PMF1: variants seen among roughly 807,000 people sequenced by gnomAD.
PMF1 encodes polyamine modulated factor 1, also known as polyamine-modulated factor 1.
PMF1 carries 21 observed loss-of-function variants against 26.7 expected under a neutral mutation model. The ratio of observed to expected loss-of-function variants is 0.79; its 90% CI spans 0.56 to 1.13. The LOEUF is 1.13. Among genes scored for constraint, PMF1 ranks in the 50% most tolerant of loss-of-function variants. The probability of loss-of-function intolerance (pLI) is 0.00; values close to 1 mark genes in which losing one functional copy is unlikely to be tolerated. For synonymous variants in PMF1, 105 were observed against 101.0 expected (o/e 1.04, Z -0.24); for missense variants, 266 against 254.9 (o/e 1.04, Z -0.30).
chr1:156,214,005 G>C (rs982887047), intron 1 of PMF1, among the ~76,000 whole-genome samples: 2 of 152,078 alleles, frequency 1.3e-5, no homozygotes, highest in Non-Finnish European at 2.9e-5. Flanking sequence ...TCCGTCTCCC[G>C]GGTTCAAAGG....
At chr1:156,225,941 A>G (rs1449633307) in intron 1 of PMF1, among the ~76,000 whole-genome samples, 6 of 151,750 alleles carry the variant, frequency 4.0e-5, no homozygotes, top group African/African-American at 1.5e-4. Context: ...TACAGCCTCC[A>G]CCTCCCAGGT....
intron 2 of PMF1, 88 bp from the exon 3 acceptor site, chr1:156,233,540 A>G: frequency 7.2e-7 from 1 of 1,382,230 alleles, no homozygotes; most frequent in Non-Finnish European, 1.0e-6. Context: ...AATTAGCCAA[A>G]ATCTTACCAA....
chr1:156,215,861 G>C (rs1329446346), intron 1 of PMF1, among the ~76,000 whole-genome samples: 1 of 152,056 alleles, frequency 6.6e-6, no homozygotes, highest in Non-Finnish European at 1.5e-5. Flanking sequence ...GCTAATTTTC[G>C]TATTTTTAGT....
chr1:156,216,840 G>A (rs1367853496), intron 1 of PMF1, among the ~76,000 whole-genome samples: 1 of 151,974 alleles, frequency 6.6e-6, no homozygotes, highest in East Asian at 1.9e-4. Flanking sequence ...TGGCCGGCCG[G>A]CCCGCCTCCG....
chr1:156,232,170 A>G (rs1197335347), intron 1 of PMF1, 150 bp from the exon 2 acceptor site: 1 of 697,106 alleles, frequency 1.4e-6, no homozygotes, highest in African/African-American at 1.8e-5. Flanking sequence ...ACTCGTGCTT[A>G]GATGAGAGAT....
At chr1:156,219,875 G>T (rs925581007) in intron 1 of PMF1, among the ~76,000 whole-genome samples, 1 of 151,878 alleles carries the variant, frequency 6.6e-6, no homozygotes, top group Non-Finnish European at 1.5e-5. Context: ...TCAGCCTCCC[G>T]AGTAGCTGGG....
In PMF1 at chr1:156,239,892, C is replaced by T. The variant is rs1659249349; in HGVS notation, c.*291C>T. ...TTCAGGTCAGCTCTGCCCCTCCGCC[C>T]CCCTCCTGCTGGTTCCCCAGCCCTT... On this transcript the variant is annotated 3_prime_UTR_variant, in exon 5 of 5. Transcript: ENST00000368277. 2.6e-6 allele frequency: 1 copy of T among 387,650 alleles called. No homozygotes were observed. Among genetic ancestry groups the T allele is most frequent in the Non-Finnish European group, 4.7e-6 (1 of 214,844 alleles). The allele number at this position is 387,650 out of a possible 1,614,324, so 24.0% of individuals were successfully genotyped here. A position where few individuals can be genotyped will look rare whatever the true frequency, so the allele number is the denominator to read the frequency against.
chr1:156,219,044 A>G (rs1360449172), intron 1 of PMF1, among the ~76,000 whole-genome samples: 1 of 151,500 alleles, frequency 6.6e-6, no homozygotes, highest in Non-Finnish European at 1.5e-5. Context: ...CAGCCTCCCA[A>G]GTAGCTGGGA....
At chr1:156,217,242 AAAAG>A (rs1657816737) in intron 1 of PMF1, among the ~76,000 whole-genome samples, 3 of 122,022 alleles carry the variant, frequency 2.5e-5, no homozygotes, top group South Asian at 2.3e-4. Flanking sequence ...ATAAAAAAAA[AAAAG>A]AAAAAAAAAA....
chr1:156,225,364 T>C (rs139741968), intron 1 of PMF1, among the ~76,000 whole-genome samples: 5 of 150,756 alleles, frequency 3.3e-5, no homozygotes, highest in African/African-American at 1.2e-4. Flanking sequence ...ATAAGTTCTT[T>C]AGCGGTGATT....
intron 1 of PMF1, among the ~76,000 whole-genome samples, chr1:156,217,169 C>T (rs9659072): frequency 0.022 from 3,154 of 145,704 alleles, 109 homozygotes; most frequent in African/African-American, 0.076. Context: ...ACCAGCATGG[C>T]ACATGTATAC....
rs73006794 is a variant in PMF1 at position 156,218,847 on chromosome 1, A to T, written c.161+5671A>T. 1.6e-3 allele frequency among the ~76,000 whole-genome samples: 242 copies of T among 152,166 alleles called. 1 individual carries two copies. The highest frequency in any genetic ancestry group is 5.7e-3 in the African/African-American group (235 of 41,530). ...CCGTTTTTTTTTAATCCTAATTTTC[A>T]TGTAATTACTTCCATTCATTTTTTT... On this transcript the variant is annotated intron_variant, in intron 1 of 4. Coordinates refer to ENST00000368277, the MANE Select transcript of PMF1 (RefSeq NM_007221.4).
At chr1:156,238,534 G>A (rs911569143) in intron 4 of PMF1, among the ~76,000 whole-genome samples, 11 of 152,224 alleles carry the variant, frequency 7.2e-5, no homozygotes, top group Non-Finnish European at 1.2e-4. Flanking sequence ...TAGGGCTCAA[G>A]TGGCGGCATC....
chr1:156,232,248 A>G, intron 1 of PMF1, 72 bp from the exon 2 acceptor site: 1 of 1,359,542 alleles, frequency 7.4e-7, no homozygotes, highest in Non-Finnish European at 1.0e-6. Context: ...TGCGAAGCGG[A>G]GGTACCCAGG....
intron 4 of PMF1, 57 bp from the exon 5 acceptor site, chr1:156,239,491 G>T (rs1431768402): frequency 7.0e-7 from 1 of 1,420,380 alleles, no homozygotes; most frequent in East Asian, 2.3e-5. Context: ...ACAGTGGAGG[G>T]CAAGGATTTG....
At position 156,213,036 on chromosome 1, in the gene PMF1, C is replaced by A; in HGVS notation, c.21C>A (p.Ala7=). 1 of 1,614,206 alleles carries A rather than the reference C, an allele frequency of 6.2e-7. No individual in the cohort carries two copies. The highest frequency in any genetic ancestry group is 1.1e-5 in the South Asian group (1 of 91,084). ...TCAACATGGCCGAAGCAAGTAGCGC[C>A]AATCTAGGCAGCGGCTGTGAGGAAA... The part of the protein sequence containing the change: MAEASS[A]NLGSGCEEKR... The change falls in exon 1 of 5, where the codon GCC becomes GCA. Residue 7 remains alanine, a synonymous_variant. Coordinates refer to ENST00000368277, the MANE Select transcript of PMF1 (RefSeq NM_007221.4).
At chr1:156,214,858 A>AGAT (rs948663770) in intron 1 of PMF1, among the ~76,000 whole-genome samples, 2 of 150,664 alleles carry the variant, frequency 1.3e-5, no homozygotes, top group Non-Finnish European at 2.9e-5. Flanking sequence ...AGAAGGAACC[A>AGAT]GATTATTATT....
chr1:156,224,426 A>G (rs555883401), intron 1 of PMF1, among the ~76,000 whole-genome samples: 1 of 152,258 alleles, frequency 6.6e-6, no homozygotes, highest in South Asian at 2.1e-4. Flanking sequence ...TAACCTTTTA[A>G]TACAACGATT....
At chr1:156,233,780 G>GC in intron 3 of PMF1, 52 bp downstream of exon 3, 1 of 1,428,590 alleles carries the variant, frequency 7.0e-7, no homozygotes, top group Non-Finnish European at 9.5e-7. Flanking sequence ...CAGCAATTAA[G>GC]CTTTTTTTTT....
Sources: allele counts gnomAD v4.1 joint callset (sites outside exome capture counted in the v4.1 genomes callset), GRCh38; gene constraint gnomAD v4.1.1; transcripts MANE v1.5; gene names NCBI Gene and HGNC (gene_info 2026-07-23, HGNC 2026-07-21).